CCDC14: variants seen among roughly 807,000 people sequenced by gnomAD.
CCDC14 encodes coiled-coil domain-containing protein 14.
A neutral mutation model predicts 81.4 loss-of-function variants in CCDC14; 71 were observed. The observed-to-expected ratio is 0.87, with a 90% CI of 0.72 to 1.06. CCDC14 has a LOEUF of 1.06. Among genes scored for constraint, CCDC14 ranks in the 50% least tolerant of loss-of-function variants. The pLI, the probability that CCDC14 is intolerant of heterozygous loss-of-function variation, is 0.00. For synonymous variants in CCDC14, 332 were observed against 364.8 expected, an observed-to-expected ratio of 0.91 and a Z score of 1.03; for missense variants, 1,046 against 1,047.3, an observed-to-expected ratio of 1.00 and a Z score of 0.02.
exon 6 of CCDC14, chr3:123,897,553 T>A: frequency 9.0e-7 from 1 of 1,107,304 alleles, no homozygotes; most frequent in Non-Finnish European, 1.2e-6. Flanking sequence ...GTAGTTCATG[T>A]ACTGTATTGG....
chr3:123,933,666 T>C lies in CCDC14; in HGVS notation c.1426+7A>G. ...AATTTATCAATCCTTAAAGTTCTTTTACCTACATTCAAGGTTGCAATCCAC... is the reference window on the plus strand; with the variant it reads ...AATTTATCAATCCTTAAAGTTCTTTCACCTACATTCAAGGTTGCAATCCAC... On this transcript the variant is annotated splice_region_variant and intron_variant, in intron 10 of 12. Transcript: ENST00000409697. 1.3e-6 allele frequency: 2 copies of C among 1,554,828 alleles called. No homozygotes were observed. The highest frequency in any genetic ancestry group is 1.7e-6 in the Non-Finnish European group (2 of 1,144,130).
chr3:123,911,178 CAA>C (rs373345387), downstream of CCDC14, among the ~76,000 whole-genome samples: 91 of 152,256 alleles, frequency 6.0e-4, 2 homozygotes, highest in South Asian at 0.011. Context: ...ATAGTCCTTT[CAA>C]AAAGTTAACT....
chr3:123,897,141 TTTAAA>T (rs2148754263), downstream of CCDC14, among the ~76,000 whole-genome samples: 1 of 152,242 alleles, frequency 6.6e-6, no homozygotes, highest in East Asian at 1.9e-4. Context: ...CTGAAAAAAG[TTTAAA>T]TTAATATTTT....
chr3:123,923,998 ATATCT>A lies in CCDC14; in HGVS notation c.1778+7099_1778+7103del, dbSNP rs373750116. The stretch of plus-strand genomic sequence containing the variant: ...AAAAAAAACCCTTGAAAAGCCAAAA[ATATCT>A]TAAGTAAAAAGAACAAAGCTGGGGG... On this transcript the variant is annotated intron_variant, in intron 12 of 12. Transcript: ENST00000409697. Among the ~76,000 whole-genome samples, 246 of 151,606 alleles carry A rather than the reference ATATCT, an allele frequency of 1.6e-3. 2 individuals carry two copies. In the South Asian group the frequency reaches 0.02, roughly 13 times the overall value.
chr3:123,941,326 G>A lies in CCDC14; in HGVS notation c.1343+3523C>T, dbSNP rs552156440. On this transcript the variant is annotated intron_variant, in intron 9 of 12. Coordinates refer to ENST00000409697, the MANE Select transcript of CCDC14 (RefSeq NM_001366335.1). ...AAAAATGCCAAAATATCATAGAAAC[G>A]ATGCATCTAGCTATTTTTTAAGCCA... Among the ~76,000 whole-genome samples, 14 of 151,898 alleles carry A rather than the reference G, an allele frequency of 9.2e-5. No homozygotes were observed. In the East Asian group the frequency reaches 2.3e-3, roughly 25 times the overall value.
Position 123,915,494 on chromosome 3 carries a change from T to A in CCDC14, c.2003A>T (p.Glu668Val), listed in dbSNP as rs1418335379. ...ATAGGTTTTGTCTGGCTCTATGGTT[T>A]CCTCATTTTTAATTGTAGAAAGTGG... ...SEPLSTIKNE[E>V]TIEPDKTYEN... is the part of the protein sequence containing the mutation. The change falls in exon 13 of 13, where the codon GAA (glutamate) becomes GTA (valine). Residue 668 changes from glutamate (E) to valine (V), a missense_variant. Physicochemically the swap from Glu to Val is moderately radical, Grantham distance 121. Coordinates refer to ENST00000409697, the MANE Select transcript of CCDC14 (RefSeq NM_001366335.1). 1 of 1,613,988 alleles carries A rather than the reference T, an allele frequency of 6.2e-7. No individual in the cohort carries two copies. Among genetic ancestry groups the A allele is most frequent in the South Asian group, 1.1e-5 (1 of 91,082 alleles).
downstream of CCDC14, among the ~76,000 whole-genome samples, chr3:123,909,009 GA>G (rs2034383304): frequency 6.6e-6 from 1 of 152,080 alleles, no homozygotes; most frequent in Non-Finnish European, 1.5e-5. Flanking sequence ...CTCTAGGTTT[GA>G]AAATTATTTT....
At chr3:123,891,268 A>T in the CCDC14 span, among the ~76,000 whole-genome samples, 3 of 152,320 alleles carry the variant, frequency 2.0e-5, no homozygotes, top group East Asian at 5.8e-4. Context: ...CCCCATTGTC[A>T]TGGGGATTAA....
At chr3:123,940,625 C>T (rs1171181875) in intron 9 of CCDC14, among the ~76,000 whole-genome samples, 3 of 152,002 alleles carry the variant, frequency 2.0e-5, no homozygotes, top group African/African-American at 7.2e-5. Context: ...CAGCAATTCA[C>T]CTTTCACTGC....
downstream of CCDC14, among the ~76,000 whole-genome samples, chr3:123,909,836 T>TGA (rs1232441170): frequency 6.6e-6 from 1 of 152,176 alleles, no homozygotes; most frequent in Admixed American, 6.5e-5. Context: ...CCAGTGGTCA[T>TGA]GAGACTGAGC....
chr3:123,910,582 A>G (rs1559757796), downstream of CCDC14, among the ~76,000 whole-genome samples: 1 of 151,884 alleles, frequency 6.6e-6, no homozygotes, highest in Admixed American at 6.6e-5. Context: ...TTAAAAAAAA[A>G]GTTTCTGTCC....
chr3:123,957,077 A>C (rs2148964474), intron 1 of CCDC14: 1 of 218,250 alleles, frequency 4.6e-6, no homozygotes, highest in African/African-American at 2.3e-5. Context: ...TAATGTCTTC[A>C]AGCTTCATCT....
intron 5 of CCDC14, among the ~76,000 whole-genome samples, chr3:123,901,655 T>A (rs929247619): frequency 2.0e-5 from 3 of 152,168 alleles, no homozygotes; most frequent in African/African-American, 7.2e-5. Context: ...AAATAAAAGG[T>A]AGGCATACTC....
rs1159287420 is a variant in CCDC14, at chr3:123,949,079, T to A, written c.406A>T (p.Arg136Ter). ...TTTTGCTCTAGGTCTGATGTGTCTC[T>A]TTCACTTCTAGCAGAAGCTTCATTA... ...IPNEASARSE[R>*]DTSDLEQNWS... The change falls in exon 6 of 13, where the codon AGA becomes TGA. Residue 136 changes from arginine to a stop codon, truncating the protein, a stop_gained. Coordinates refer to ENST00000409697, the MANE Select transcript of CCDC14 (RefSeq NM_001366335.1). LOFTEE classifies it high-confidence loss of function. The A allele has an allele frequency of 1.9e-6, 3 of 1,612,452 alleles. No individual in the cohort carries two copies. The African/African-American group carries it at 4.0e-5, about 22-fold the overall frequency.
chr3:123,931,345 T>C lies in CCDC14; in HGVS notation c.1608A>G (p.Lys536=). ...TTGTTATCTCAATATCATATTGCTG[T>C]TTATTTTCAAGTATAGTTTGATCTT... ...KDKDQTILEN[K]QQYDIEITRI... Residue 536 remains lysine (K), a synonymous_variant, in exon 11 of 13, where the codon AAA becomes AAG. Coordinates refer to ENST00000409697, the MANE Select transcript of CCDC14 (RefSeq NM_001366335.1). The C allele has an allele frequency of 6.6e-7, 1 of 1,523,678 alleles. No homozygotes were observed. The highest frequency in any genetic ancestry group is 1.2e-5 in the South Asian group (1 of 83,078). 94.4% of individuals were successfully genotyped at this position (1,523,678 alleles called of 1,614,324 possible).
intron 12 of CCDC14, among the ~76,000 whole-genome samples, chr3:123,928,113 T>A (rs1468950131): frequency 6.6e-6 from 1 of 152,080 alleles, no homozygotes; most frequent in Non-Finnish European, 1.5e-5. Context: ...CTCTGAAAGA[T>A]TTTTCTTATG....
At chr3:123,916,487 T>TGTGTGTGTGTGTG (rs1468343624) in intron 12 of CCDC14, among the ~76,000 whole-genome samples, 1 of 151,730 alleles carries the variant, frequency 6.6e-6, no homozygotes, top group African/African-American at 2.4e-5. Context: ...TGTGTGTGTG[T>TGTGTGTGTGTGTG]GTGTGTGTGT....
chr3:123,931,173 C>T lies in CCDC14; in HGVS notation c.1707G>A (p.Lys569=), dbSNP rs145291819. 521 of 1,612,956 alleles carry T rather than the reference C, an allele frequency of 3.2e-4. No homozygotes were observed. In the Middle Eastern group the frequency reaches 5.9e-3, roughly 18 times the overall value. ...SSQFKLETAE[K]ENQILGITLR... Reference sequence around the variant, plus strand: ...ATGTTATCCCCAATATCTGGTTTTCCTTTTCAGCAGTTTCTAACTTAAACT... The same window carrying T: ...ATGTTATCCCCAATATCTGGTTTTCTTTTTCAGCAGTTTCTAACTTAAACT... Residue 569 remains lysine (K), a synonymous_variant, in exon 12 of 13, where the codon AAG becomes AAA. Coordinates refer to ENST00000409697, the MANE Select transcript of CCDC14 (RefSeq NM_001366335.1).
At position 123,946,793 on chromosome 3, in the gene CCDC14, T is replaced by A; in HGVS notation, c.1201+10A>T. On this transcript the variant is annotated intron_variant, in intron 8 of 12. Transcript: ENST00000409697. ...ACACCATACTACAGAAAGTTATAAG[T>A]CCCATCTACCTTGTTCTGCTACCAG... The A allele has an allele frequency of 6.2e-7, 1 of 1,605,880 alleles. No individual in the cohort carries two copies. Among genetic ancestry groups the A allele is most frequent in the Non-Finnish European group, 8.5e-7 (1 of 1,176,370 alleles).
Sources: allele counts gnomAD v4.1 joint callset (sites outside exome capture counted in the v4.1 genomes callset), GRCh38; gene constraint gnomAD v4.1.1; transcripts MANE v1.5; gene names NCBI Gene and HGNC (gene_info 2026-07-23, HGNC 2026-07-21).